Variants in SNTG2 observed in about 807,000 individuals in gnomAD.
SNTG2 encodes syntrophin gamma 2.
A neutral mutation model predicts 70.9 loss-of-function variants in SNTG2; 74 were observed. The ratio of observed to expected loss-of-function variants is 1.04; its 90% CI spans 0.86 to 1.27. The LOEUF (loss-of-function observed/expected upper bound fraction) is 1.27, where lower values mean the gene tolerates loss of function less well. SNTG2 is among the 50% of genes most tolerant of loss of function. SNTG2 has a pLI of 0.00. For missense variants in SNTG2, 717 were observed against 690.7 expected, an observed-to-expected ratio of 1.04 and a Z score of -0.43; for synonymous variants, 278 against 273.8, an observed-to-expected ratio of 1.02 and a Z score of -0.15.
chr2:1,058,439 A>G (rs1248439911), intron 1 of SNTG2, among the ~76,000 whole-genome samples: 1 of 152,230 alleles, frequency 6.6e-6, no homozygotes, highest in Non-Finnish European at 1.5e-5. Flanking sequence ...TTCATCTTAC[A>G]TAATGTTTGT....
chr2:957,132 G>A (rs1399279645), intron 1 of SNTG2, among the ~76,000 whole-genome samples: 1 of 152,224 alleles, frequency 6.6e-6, no homozygotes, highest in Non-Finnish European at 1.5e-5. Context: ...TCCAGAACCC[G>A]ATGAGTTAGA....
intron 11 of SNTG2, among the ~76,000 whole-genome samples, chr2:1,243,054 A>T (rs548050374): frequency 6.6e-6 from 1 of 152,388 alleles, no homozygotes; most frequent in African/African-American, 2.4e-5. Context: ...GATGTTTCCA[A>T]CAATAGCAAA....
chr2:1,020,036 C>T (rs1038544477), intron 1 of SNTG2, among the ~76,000 whole-genome samples: 2 of 152,088 alleles, frequency 1.3e-5, no homozygotes, highest in Admixed American at 6.6e-5. Flanking sequence ...GAGCGAGACT[C>T]CATCTCAAAG....
At chr2:1,277,830 A>T (rs1464840404) in intron 14 of SNTG2, among the ~76,000 whole-genome samples, 1 of 152,188 alleles carries the variant, frequency 6.6e-6, no homozygotes, top group Non-Finnish European at 1.5e-5. Context: ...GGCTCCTCAG[A>T]GGGCAGCAGG....
chr2:1,015,519 G>GA lies in SNTG2; in HGVS notation c.72+64458dup, dbSNP rs538462952. Among the ~76,000 whole-genome samples the GA allele has an allele frequency of 5.3e-5, 8 of 152,200 alleles. No individual in the cohort carries two copies. The East Asian group carries it at 1.5e-3, about 29-fold the overall frequency. On this transcript the variant is annotated intron_variant, in intron 1 of 16. Transcript: ENST00000308624. ...AAACAATAAGGCAGTGTCATAAAAGGAAAAAAATCCCGTGGTACAGACAGA... is the reference window on the plus strand; with the variant it reads ...AAACAATAAGGCAGTGTCATAAAAGGAAAAAAAATCCCGTGGTACAGACAGA...
chr2:1,206,575 C>A (rs1673647450), intron 8 of SNTG2, among the ~76,000 whole-genome samples: 1 of 152,144 alleles, frequency 6.6e-6, no homozygotes, highest in African/African-American at 2.4e-5. Flanking sequence ...AAAATATTTT[C>A]TCCAGATTGT....
intron 13 of SNTG2, among the ~76,000 whole-genome samples, chr2:1,260,998 A>G (rs1477134994): frequency 6.6e-6 from 1 of 152,162 alleles, no homozygotes. Context: ...GAAGATTATA[A>G]AAAAATTTTA....
At chr2:988,828 T>C (rs1158504718) in intron 1 of SNTG2, among the ~76,000 whole-genome samples, 2 of 152,202 alleles carry the variant, frequency 1.3e-5, no homozygotes, top group Non-Finnish European at 2.9e-5. Flanking sequence ...TGTATATAGC[T>C]CAACTGGTGA....
intron 6 of SNTG2, chr2:1,158,290 T>A (rs1670034384): frequency 6.6e-6 from 1 of 151,914 alleles, no homozygotes; most frequent in Non-Finnish European, 1.5e-5. Context: ...AAAATTTACA[T>A]AGAAAAGTAG....
intron 4 of SNTG2, among the ~76,000 whole-genome samples, chr2:1,126,659 A>G (rs533364068): frequency 6.6e-6 from 1 of 152,258 alleles, no homozygotes; most frequent in South Asian, 2.1e-4. Context: ...CTATTTAGTA[A>G]TAACCATTCT....
At chr2:1,083,317 G>A (rs1426998821) in intron 1 of SNTG2, among the ~76,000 whole-genome samples, 3 of 149,558 alleles carry the variant, frequency 2.0e-5, no homozygotes, top group African/African-American at 7.4e-5. Context: ...CTACAAAAAC[G>A]GCTCAGGAAC....
intron 4 of SNTG2, among the ~76,000 whole-genome samples, chr2:1,116,034 CA>C (rs1279187842): frequency 6.6e-6 from 1 of 152,178 alleles, no homozygotes; most frequent in Non-Finnish European, 1.5e-5. Context: ...TCCTTATGAC[CA>C]ACACACTAGT....
intron 1 of SNTG2, among the ~76,000 whole-genome samples, chr2:1,039,913 C>T (rs931572019): frequency 5.3e-5 from 8 of 152,222 alleles, no homozygotes; most frequent in East Asian, 1.9e-4. Context: ...CCTGGGCACA[C>T]GCTGTGAACC....
chr2:1,008,670 T>C (rs1044356823), intron 1 of SNTG2, among the ~76,000 whole-genome samples: 2 of 152,242 alleles, frequency 1.3e-5, no homozygotes, highest in African/African-American at 2.4e-5. Flanking sequence ...TAAATATTTA[T>C]TGATGTTTTA....
rs1009109953 is a variant in SNTG2, at chr2:1,366,830, G to T, written c.1489-513G>T. ...CACATGCACCCACACAGCAGGCACTGTTCCTCCCAAGGGCGGCCTTGGCAT... is the reference window on the plus strand; with the variant it reads ...CACATGCACCCACACAGCAGGCACTTTTCCTCCCAAGGGCGGCCTTGGCAT... On this transcript the variant is annotated intron_variant, in intron 16 of 16. Transcript: ENST00000308624. Among the ~76,000 whole-genome samples, 11 of 152,200 alleles carry T rather than the reference G, an allele frequency of 7.2e-5. 1 individual carries two copies. Among genetic ancestry groups the T allele is most frequent in the Admixed American group, 2.6e-4 (4 of 15,276 alleles).
At chr2:1,273,800 T>C (rs1679156843) in intron 14 of SNTG2, among the ~76,000 whole-genome samples, 1 of 151,908 alleles carries the variant, frequency 6.6e-6, no homozygotes, top group African/African-American at 2.4e-5. Flanking sequence ...GAAAAAAAAT[T>C]GATAATTTAG....
At chr2:1,115,768 T>A (rs2148270681) in intron 4 of SNTG2, among the ~76,000 whole-genome samples, 1 of 152,138 alleles carries the variant, frequency 6.6e-6, no homozygotes, top group African/African-American at 2.4e-5. Context: ...GTGTACTAAG[T>A]GATGTTTAAC....
At chr2:1,169,826 A>T (rs1214524822) in intron 7 of SNTG2, among the ~76,000 whole-genome samples, 1 of 152,204 alleles carries the variant, frequency 6.6e-6, no homozygotes, top group Non-Finnish European at 1.5e-5. Flanking sequence ...TGGGGTGCAG[A>T]TCACAGAGGC....
intron 1 of SNTG2, among the ~76,000 whole-genome samples, chr2:980,583 A>G (rs73908633): frequency 0.076 from 11,636 of 152,204 alleles, 670 homozygotes; most frequent in South Asian, 0.2. Flanking sequence ...ATTTCTACAG[A>G]GCTCACATTT....
Sources: gnomAD v4.1 joint callset for allele counts (sites outside exome capture counted in the v4.1 genomes callset) on GRCh38, gnomAD v4.1.1 for gene constraint, MANE v1.5 for transcripts, NCBI Gene and HGNC (gene_info 2026-07-23, HGNC 2026-07-21) for gene names.